The following FMN2 variants were observed in gnomAD, a reference collection of about 807,000 sequenced individuals.
FMN2 encodes formin-2.
In FMN2, 51 loss-of-function variants were observed where a neutral mutation model predicts 142.3. The ratio of observed to expected loss-of-function variants is 0.36; its 90% confidence interval spans 0.29 to 0.45. The LOEUF is 0.45. Ranked by LOEUF, FMN2 falls within the 20% of genes least tolerant of loss-of-function variation. The pLI, the probability that FMN2 is intolerant of heterozygous loss-of-function variation, is 1.00. For missense variants in FMN2, 1,936 were observed against 2,122.8 expected (o/e 0.91, Z 1.73); for synonymous variants, 882 against 869.8 (o/e 1.01, Z -0.25).
intron 16 of FMN2, among the ~76,000 whole-genome samples, chr1:240,461,632 T>A (rs1676455321): frequency 6.6e-6 from 1 of 152,240 alleles, no homozygotes; most frequent in African/African-American, 2.4e-5. Context: ...ATAGTAATAA[T>A]GGCTAGACAT....
chr1:240,391,015 T>G (rs1237097089), intron 14 of FMN2, among the ~76,000 whole-genome samples: 1 of 152,192 alleles, frequency 6.6e-6, no homozygotes, highest in Non-Finnish European at 1.5e-5. Context: ...TAGAATTGTT[T>G]CTGGAAGCAA....
chr1:240,167,898 G>A (rs1572011832), intron 2 of FMN2, among the ~76,000 whole-genome samples: 2 of 152,022 alleles, frequency 1.3e-5, no homozygotes, highest in Non-Finnish European at 2.9e-5. Context: ...ACAACATGGT[G>A]AAACCCTGTC....
chr1:240,127,431 T>C (rs1402989255), intron 2 of FMN2, among the ~76,000 whole-genome samples: 1 of 151,346 alleles, frequency 6.6e-6, no homozygotes, highest in Non-Finnish European at 1.5e-5. Context: ...AACATATTTG[T>C]CTTATATTTC....
At chr1:240,423,601 G>T (rs553083732) in intron 15 of FMN2, among the ~76,000 whole-genome samples, 14 of 152,180 alleles carry the variant, frequency 9.2e-5, no homozygotes, top group Admixed American at 7.2e-4. Context: ...CTTTTTTGCT[G>T]TACTCCCAAA....
chr1:240,402,257 T>A (rs1674018521), intron 15 of FMN2, among the ~76,000 whole-genome samples: 1 of 152,238 alleles, frequency 6.6e-6, no homozygotes, highest in African/African-American at 2.4e-5. Context: ...GTATATTTTT[T>A]AAATCAAGCC....
intron 7 of FMN2, among the ~76,000 whole-genome samples, chr1:240,286,117 G>T (rs1233387016): frequency 6.6e-6 from 1 of 151,956 alleles, no homozygotes; most frequent in Non-Finnish European, 1.5e-5. Flanking sequence ...TTTTTTCCTG[G>T]GATGGAGAGA....
At chr1:240,124,898 CCTCGT>C (rs1326859058) in intron 2 of FMN2, among the ~76,000 whole-genome samples, 3 of 152,214 alleles carry the variant, frequency 2.0e-5, no homozygotes, top group Middle Eastern at 3.4e-3. Context: ...GAACTCCTGA[CCTCGT>C]GATCCACCCG....
intron 8 of FMN2, among the ~76,000 whole-genome samples, chr1:240,314,069 A>G: frequency 6.6e-6 from 1 of 152,212 alleles, no homozygotes; most frequent in East Asian, 1.9e-4. Context: ...GCTACTAAGG[A>G]AGATGCTGGT....
chr1:240,378,741 G>A (rs904692591), intron 14 of FMN2, among the ~76,000 whole-genome samples: 6 of 151,946 alleles, frequency 3.9e-5, no homozygotes, highest in Non-Finnish European at 7.4e-5. Flanking sequence ...CTAATCTTAC[G>A]TGATTTCCAT....
intron 1 of FMN2, 121 bp from the exon 2 acceptor site, chr1:240,123,058 T>C (rs2103218823): frequency 2.8e-6 from 3 of 1,060,974 alleles, no homozygotes; most frequent in South Asian, 3.2e-5. Context: ...CTTTCTGCGC[T>C]GTCAGTAGCC....
chr1:240,398,563 T>C (rs1461616348), intron 15 of FMN2, among the ~76,000 whole-genome samples: 1 of 152,062 alleles, frequency 6.6e-6, no homozygotes, highest in Non-Finnish European at 1.5e-5. Context: ...AAAGTAAAAA[T>C]AAGAATAATG....
At chr1:240,361,347 T>C (rs1672475683) in intron 14 of FMN2, among the ~76,000 whole-genome samples, 1 of 151,698 alleles carries the variant, frequency 6.6e-6, no homozygotes, top group Non-Finnish European at 1.5e-5. Context: ...AAGTTGCTCT[T>C]GGGGAGCAAC....
chr1:240,142,505 TGG>T (rs199943930), intron 2 of FMN2, among the ~76,000 whole-genome samples: 2 of 33,116 alleles, frequency 6.0e-5, no homozygotes, highest in African/African-American at 2.4e-4. Context: ...TTATATTTTT[TGG>T]GGGGGGATAA....
At chr1:240,141,210 T>A (rs1347473324) in intron 2 of FMN2, among the ~76,000 whole-genome samples, 1 of 152,154 alleles carries the variant, frequency 6.6e-6, no homozygotes, top group African/African-American at 2.4e-5. Context: ...TTTAGAGATC[T>A]TTGAAAAAGA....
chr1:240,183,905 C>T (rs1665261016), intron 3 of FMN2, among the ~76,000 whole-genome samples: 1 of 152,110 alleles, frequency 6.6e-6, no homozygotes, highest in Non-Finnish European at 1.5e-5. Flanking sequence ...ATTAAAGAAG[C>T]TATAATATAA....
intron 2 of FMN2, chr1:240,145,461 T>C (rs1663407480): frequency 3.1e-6 from 1 of 323,074 alleles, no homozygotes; most frequent in South Asian, 1.4e-4. Flanking sequence ...AAACTTTTTC[T>C]TTAGTATTGT....
intron 2 of FMN2, chr1:240,170,913 A>G (rs1664676429): frequency 2.5e-6 from 2 of 795,572 alleles, no homozygotes; most frequent in East Asian, 2.4e-5. Flanking sequence ...ATTTTAGTCA[A>G]CCCATCCAGG....
At chr1:240,251,699 T>A (rs1303549497) in intron 6 of FMN2, among the ~76,000 whole-genome samples, 1 of 152,190 alleles carries the variant, frequency 6.6e-6, no homozygotes, top group African/African-American at 2.4e-5. Flanking sequence ...TGTATTTGAG[T>A]CTGTCTCTCC....
Position 240,230,950 on chromosome 1 carries a change from G to C in FMN2, c.4065+19715G>C, listed in dbSNP as rs528102821. Reference sequence around the variant, plus strand: ...CTTCAATGGCCTAGATCGGCACAAGGCTCCATAGAAATTGGCTTTGAGTTG... The same window carrying C: ...CTTCAATGGCCTAGATCGGCACAAGCCTCCATAGAAATTGGCTTTGAGTTG... On this transcript the variant is annotated intron_variant, in intron 6 of 17. Coordinates refer to ENST00000319653, the MANE Select transcript of FMN2 (RefSeq NM_020066.5). Among the ~76,000 whole-genome samples, 6 of 131,662 alleles carry C rather than the reference G, an allele frequency of 4.6e-5. 2 individuals are homozygous for C. The highest frequency in any genetic ancestry group is 9.5e-5 in the Non-Finnish European group (6 of 62,892). The allele number at this position is 131,662 out of a possible 152,430, so 86.4% of individuals were successfully genotyped here.
Sources: allele counts gnomAD v4.1 joint callset (sites outside exome capture counted in the v4.1 genomes callset), GRCh38; gene constraint gnomAD v4.1.1; transcripts MANE v1.5; gene names NCBI Gene and HGNC (gene_info 2026-07-23, HGNC 2026-07-21).